ZW10: variants seen among roughly 807,000 people sequenced by gnomAD.
ZW10 encodes the protein centromere/kinetochore protein zw10 homolog.
In ZW10, 53 loss-of-function variants were observed where a neutral mutation model predicts 87.8. The observed-to-expected ratio is 0.60, with a 90% CI of 0.48 to 0.76. The LOEUF is 0.76. Among genes scored for constraint, ZW10 ranks in the 30% least tolerant of loss-of-function variants. The pLI, the probability that ZW10 is intolerant of heterozygous loss-of-function variation, is 0.00. For synonymous variants in ZW10, 312 were observed against 329.2 expected (o/e 0.95, Z 0.57); for missense variants, 837 against 923.0 (o/e 0.91, Z 1.21).
intron 9 of ZW10, 131 bp downstream of exon 9, chr11:113,747,400 T>C (rs1953690073): frequency 1.3e-6 from 1 of 766,330 alleles, no homozygotes; most frequent in Non-Finnish European, 2.0e-6. Flanking sequence ...ACAAAACCAA[T>C]GTAAAAAAGA....
intron 14 of ZW10, 130 bp downstream of exon 14, chr11:113,737,442 G>GAAAAA: frequency 2.4e-6 from 2 of 821,030 alleles, no homozygotes; most frequent in Non-Finnish European, 3.4e-6. Context: ...AAACAAAACT[G>GAAAAA]AAAAAAAAAA....
rs1344949438 is a variant in ZW10, at chr11:113,773,691, C to T, written c.-25G>A. Reference sequence around the variant, plus strand: ...TGGCCAAGACGGGAACCAACGCTGACTGGGTCACTCTCGTAGCCAGCGCCG... The same window carrying T: ...TGGCCAAGACGGGAACCAACGCTGATTGGGTCACTCTCGTAGCCAGCGCCG... On this transcript the variant is annotated 5_prime_UTR_variant, in exon 1 of 16. Coordinates refer to ENST00000200135, the MANE Select transcript of ZW10 (RefSeq NM_004724.4). 1.9e-6 allele frequency: 3 copies of T among 1,603,278 alleles called. No homozygotes were observed. Among genetic ancestry groups the T allele is most frequent in the Non-Finnish European group, 2.6e-6 (3 of 1,171,668 alleles).
intron 7 of ZW10, among the ~76,000 whole-genome samples, chr11:113,751,701 C>T (rs887776991): frequency 2.0e-5 from 3 of 151,936 alleles, no homozygotes; most frequent in African/African-American, 4.8e-5. Context: ...GGTGAAACCC[C>T]GACTCTACTA....
intron 15 of ZW10, among the ~76,000 whole-genome samples, chr11:113,736,265 A>T (rs1953552304): frequency 1.3e-5 from 2 of 151,692 alleles, no homozygotes; most frequent in Admixed American, 6.6e-5. Context: ...ACAGAGTAAG[A>T]CCATGTCTCA....
intron 11 of ZW10, among the ~76,000 whole-genome samples, chr11:113,739,907 C>T (rs1953596804): frequency 6.6e-6 from 1 of 152,116 alleles, no homozygotes; most frequent in Admixed American, 6.5e-5. Context: ...GAAATCACAG[C>T]ATTTATATGT....
At chr11:113,747,784 C>T (rs942928178) in intron 8 of ZW10, 71 bp from the exon 9 acceptor site, 3 of 1,300,742 alleles carry the variant, frequency 2.3e-6, no homozygotes, top group Admixed American at 4.6e-5. Flanking sequence ...AATTTCAAAT[C>T]CAATGTATAA....
chr11:113,752,455 G>A (rs968064253), intron 7 of ZW10, among the ~76,000 whole-genome samples: 2 of 152,132 alleles, frequency 1.3e-5, no homozygotes, highest in Non-Finnish European at 2.9e-5. Flanking sequence ...GGTTTTTGGG[G>A]TTTTATTTTC....
At chr11:113,766,673 CAAAAAAA>C (rs34081366) in intron 2 of ZW10, among the ~76,000 whole-genome samples, 600 of 27,620 alleles carry the variant, frequency 0.022, 6 homozygotes, top group African/African-American at 0.071. Flanking sequence ...GACTCCATCT[CAAAAAAA>C]AAAAAAAAAA....
intron 5 of ZW10, 35 bp from the exon 6 acceptor site, chr11:113,758,741 C>T: frequency 6.2e-7 from 1 of 1,605,994 alleles, no homozygotes; most frequent in Non-Finnish European, 8.5e-7. Context: ...AGCTGTCTCA[C>T]CAATATGAGA....
intron 9 of ZW10, 109 bp from the exon 10 acceptor site, chr11:113,744,149 A>T (rs1224070985): frequency 2.3e-6 from 2 of 858,822 alleles, no homozygotes; most frequent in African/African-American, 3.4e-5. Context: ...GCACTTTGGG[A>T]GGCCGAGGCG....
chr11:113,767,905 T>C (rs1464127836), intron 2 of ZW10, among the ~76,000 whole-genome samples: 1 of 152,206 alleles, frequency 6.6e-6, no homozygotes, highest in East Asian at 1.9e-4. Context: ...TTATGGCTAC[T>C]TACAACACTC....
Position 113,738,330 on chromosome 11 carries a change from A to T in ZW10, c.1818T>A (p.Ser606Arg), listed in dbSNP as rs1470217124. The T allele has an allele frequency of 6.2e-7, 1 of 1,613,444 alleles. No homozygotes were observed. The highest frequency in any genetic ancestry group is 1.7e-5 in the Admixed American group (1 of 59,916). ...QKGELLERLS[S>R]ARNFSNMDDE... ...CGTCCATATTTGAAAAGTTCCTAGC[A>T]CTTGATAATCTTTCCAGAAGTTCAC... The change falls in exon 13 of 16, where the codon AGT (serine) becomes AGA (arginine). Residue 606 changes from serine to arginine, a missense_variant. By Grantham distance (110) the Ser-to-Arg change is moderately radical. Transcript: ENST00000200135.
At chr11:113,764,753 G>A (rs904564775) in intron 2 of ZW10, among the ~76,000 whole-genome samples, 13 of 152,208 alleles carry the variant, frequency 8.5e-5, no homozygotes, top group Middle Eastern at 3.4e-3. Flanking sequence ...GTCTGTGGTC[G>A]ACTGAAATGT....
chr11:113,735,214 A>G (rs1357218560), intron 15 of ZW10, among the ~76,000 whole-genome samples: 1 of 152,208 alleles, frequency 6.6e-6, no homozygotes, highest in Non-Finnish European at 1.5e-5. Flanking sequence ...CTAGGCAGTA[A>G]AAAGAAGTTG....
intron 9 of ZW10, 93 bp downstream of exon 9, chr11:113,747,438 G>A (rs111487259): frequency 7.7e-5 from 91 of 1,175,522 alleles, no homozygotes; most frequent in African/African-American, 6.2e-4. Flanking sequence ...CTCAACAACC[G>A]TCATCCTCTC....
intron 7 of ZW10, among the ~76,000 whole-genome samples, chr11:113,755,355 G>C (rs1217533152): frequency 6.6e-6 from 1 of 152,178 alleles, no homozygotes; most frequent in East Asian, 1.9e-4. Context: ...AGGGGTTTAA[G>C]ACTTCAGTTA....
chr11:113,770,835 A>G (rs887183355), intron 1 of ZW10, among the ~76,000 whole-genome samples: 21 of 151,616 alleles, frequency 1.4e-4, no homozygotes, highest in Non-Finnish European at 4.4e-5. Context: ...AAAGAAAAAA[A>G]AAAAAAAAGA....
chr11:113,763,225 C>T (rs903570042), intron 2 of ZW10, among the ~76,000 whole-genome samples: 1 of 152,194 alleles, frequency 6.6e-6, no homozygotes, highest in Non-Finnish European at 1.5e-5. Context: ...CATAGTATTC[C>T]ATGGTGTATA....
Position 113,768,873 on chromosome 11 carries a change from G to C in ZW10, c.200C>G (p.Ser67Cys). 1.9e-6 allele frequency: 3 copies of C among 1,614,160 alleles called. No homozygotes were observed. Among genetic ancestry groups the C allele is most frequent in the Non-Finnish European group, 2.5e-6 (3 of 1,180,028 alleles). The change falls in exon 2 of 16, where the codon TCT becomes TGT. Residue 67 changes from serine (S) to cysteine (C), a missense_variant. Transcript: ENST00000200135. ...QGLITQVDKL[S>C]EDIDLLKSRI... ...GGATTTCAGCAGGTCAATGTCTTCA[G>C]ATAGCTTATCCACCTGGGTAATCAG...
Sources: gnomAD v4.1 joint callset for allele counts (sites outside exome capture counted in the v4.1 genomes callset) on GRCh38, gnomAD v4.1.1 for gene constraint, MANE v1.5 for transcripts, NCBI Gene and HGNC (gene_info 2026-07-23, HGNC 2026-07-21) for gene names.